COQ9: variants seen among roughly 807,000 people sequenced by gnomAD.
COQ9 encodes coenzyme Q9, also known as ubiquinone biosynthesis protein COQ9, mitochondrial.
In COQ9, 35 loss-of-function variants were observed where a neutral mutation model predicts 42.4. That is an observed-to-expected ratio of 0.83 (90% CI 0.63 to 1.10). The LOEUF (loss-of-function observed/expected upper bound fraction) is 1.10. COQ9 is among the 50% of genes least tolerant of loss of function. COQ9 has a pLI of 0.00. For synonymous variants in COQ9, 155 were observed against 155.1 expected (o/e 1.00, Z 0.00); for missense variants, 406 against 414.6 (o/e 0.98, Z 0.18).
Position 57,447,563 on chromosome 16 carries a change from C to T in COQ9, c.58C>T (p.Leu20=). Residue 20 remains leucine (L), a synonymous_variant, in exon 1 of 9, where the codon CTG becomes TTG. Coordinates refer to ENST00000262507, the MANE Select transcript of COQ9 (RefSeq NM_020312.4). The part of the protein sequence containing the change: ...LGRAGWRLLQ[L]RCLPVARCRQ... The stretch of plus-strand genomic sequence containing the variant: ...CCGGGCGGGCTGGAGGCTCCTGCAG[C>T]TGCGATGCCTGCCCGGTGAGGGGGC... 1 of 1,284,766 alleles carries T rather than the reference C, an allele frequency of 7.8e-7. No individual in the cohort carries two copies. The highest frequency in any genetic ancestry group is 9.9e-7 in the Non-Finnish European group (1 of 1,011,530). The allele number at this position is 1,284,766 out of a possible 1,614,324, so 79.6% of individuals were successfully genotyped here.
At chr16:57,449,955 G>A (rs223862) in intron 1 of COQ9, among the ~76,000 whole-genome samples, 4,263 of 152,226 alleles carry the variant, frequency 0.028, 84 homozygotes, top group Middle Eastern at 0.071. Flanking sequence ...AACAGTGAAC[G>A]TAGAAGTCTT....
chr16:57,450,784 A>T (rs1347408264), intron 1 of COQ9: 1 of 549,954 alleles, frequency 1.8e-6, no homozygotes, highest in Non-Finnish European at 3.3e-6. Context: ...ATTGTTTGCC[A>T]GTTACCCAGG....
In COQ9 at chr16:57,460,620, G is replaced by T. The variant is rs778212075; in HGVS notation, c.953G>T (p.Arg318Leu). ...LKNLTGLNQR[R>L] ...AACTTGACAGGTCTAAACCAGCGTC[G>T]GTGAGAGGAAGGGGTATAAGCTACA... The change falls in exon 9 of 9, where the codon CGG becomes CTG. Residue 318 changes from arginine to leucine, a missense_variant. Transcript: ENST00000262507. 6.2e-7 allele frequency: 1 copy of T among 1,613,804 alleles called. No homozygotes were observed. Among genetic ancestry groups the T allele is most frequent in the East Asian group, 2.2e-5 (1 of 44,878 alleles).
rs1165362266 is a variant in COQ9 at position 57,460,088 on chromosome 16, T to G, written c.905T>G (p.Met302Arg). 2.2e-5 allele frequency: 35 copies of G among 1,614,070 alleles called. No homozygotes were observed. Among genetic ancestry groups the G allele is most frequent in the Non-Finnish European group, 2.9e-5 (34 of 1,180,042 alleles). The change falls in exon 8 of 9, where the codon ATG becomes AGG. Residue 302 changes from methionine to arginine, a missense_variant. Transcript: ENST00000262507. ...GGAGAGGCACTGGTGCAAGGACTCA[T>G]GGGTGCAGCAGTGACGGTGAGTACT... is the stretch of plus-strand genomic sequence containing the variant. ...STGEALVQGL[M>R]GAAVTLKNLT...
intron 1 of COQ9, among the ~76,000 whole-genome samples, chr16:57,448,783 TCCA>T (rs1192226453): frequency 8.6e-5 from 13 of 151,846 alleles, no homozygotes; most frequent in African/African-American, 3.1e-4. Flanking sequence ...ACCCCGCAAA[TCCA>T]CCAAGAGAAA....
chr16:57,459,845 C>T (rs1392642866), intron 7 of COQ9, 125 bp downstream of exon 7: 1 of 1,192,766 alleles, frequency 8.4e-7, no homozygotes, highest in Non-Finnish European at 1.2e-6. Context: ...AAGGGCCTGG[C>T]TGGTTCTTCC....
intron 3 of COQ9, 182 bp from the exon 4 acceptor site, chr16:57,456,322 C>T: frequency 1.5e-6 from 1 of 664,072 alleles, no homozygotes; most frequent in East Asian, 2.8e-5. Flanking sequence ...CACTCTTGCA[C>T]ACACACCAAG....
chr16:57,460,850 TGA>T lies in COQ9; in HGVS notation c.*227_*228del. The T allele has an allele frequency of 1.8e-6, 1 of 558,414 alleles. No individual in the cohort carries two copies. The highest frequency in any genetic ancestry group is 3.3e-6 in the Non-Finnish European group (1 of 307,448). 34.6% of individuals were successfully genotyped at this position (558,414 alleles called of 1,614,324 possible). On this transcript the variant is annotated 3_prime_UTR_variant, in exon 9 of 9. Coordinates refer to ENST00000262507, the MANE Select transcript of COQ9 (RefSeq NM_020312.4). Reference sequence around the variant, plus strand: ...GTTCCTAATACCAGACCAAGCCTCCTGATGCCTTTCTGCACTGCAACTGTGTG... The same window carrying T: ...GTTCCTAATACCAGACCAAGCCTCCTTGCCTTTCTGCACTGCAACTGTGTG...
At chr16:57,454,538 G>T (rs8061428) in intron 3 of COQ9, among the ~76,000 whole-genome samples, 2,170 of 152,214 alleles carry the variant, frequency 0.014, 57 homozygotes, top group African/African-American at 0.049. Flanking sequence ...CTTGCCTGTG[G>T]TCCCAGCTAC....
At chr16:57,451,008 G>T in intron 1 of COQ9, 32 bp from the exon 2 acceptor site, 1 of 1,612,260 alleles carries the variant, frequency 6.2e-7, no homozygotes, top group East Asian at 2.2e-5. Context: ...CTTCTCTGTT[G>T]AATGTCCCTG....
intron 1 of COQ9, among the ~76,000 whole-genome samples, chr16:57,450,412 CAAAAA>C (rs59815351): frequency 3.0e-4 from 28 of 92,460 alleles, no homozygotes; most frequent in African/African-American, 6.9e-4. Context: ...GAGACTCTGA[CAAAAA>C]AAAAAAAAAA....
At chr16:57,459,842 T>C in intron 7 of COQ9, 122 bp downstream of exon 7, 1 of 1,227,596 alleles carries the variant, frequency 8.1e-7, no homozygotes, top group Non-Finnish European at 1.2e-6. Context: ...CCCAAGGGCC[T>C]GGCTGGTTCT....
At chr16:57,450,853 T>G (rs1466148661) in intron 1 of COQ9, 187 bp from the exon 2 acceptor site, 1 of 685,826 alleles carries the variant, frequency 1.5e-6, no homozygotes, top group Non-Finnish European at 2.6e-6. Flanking sequence ...GGCTTACCAC[T>G]TTTGCTACCA....
intron 1 of COQ9, among the ~76,000 whole-genome samples, chr16:57,450,364 G>A (rs1044819607): frequency 2.6e-4 from 37 of 142,348 alleles, no homozygotes; most frequent in African/African-American, 8.4e-4. Flanking sequence ...GCAGTGAGCC[G>A]AGATAATCTC....
chr16:57,453,244 T>A lies in COQ9; in HGVS notation c.378+308T>A, dbSNP rs1476661498. The A allele has an allele frequency of 6.6e-6, 3 of 452,386 alleles. No individual in the cohort carries two copies. In the Admixed American group the frequency reaches 1.1e-4, roughly 16 times the overall value. 28.0% of individuals were successfully genotyped at this position (452,386 alleles called of 1,614,324 possible). Reference sequence around the variant, plus strand: ...CATTGGTTGTAAGAAGCATCATTTTTAAATGCATCAGTAAAAAAGAAAACA... The same window carrying A: ...CATTGGTTGTAAGAAGCATCATTTTAAAATGCATCAGTAAAAAAGAAAACA... On this transcript the variant is annotated intron_variant, in intron 3 of 8. Coordinates refer to ENST00000262507, the MANE Select transcript of COQ9 (RefSeq NM_020312.4).
rs537773578 is a variant in COQ9, at chr16:57,458,892, T to C, written c.711+542T>C. On this transcript the variant is annotated intron_variant, in intron 6 of 8. Coordinates refer to ENST00000262507, the MANE Select transcript of COQ9 (RefSeq NM_020312.4). The stretch of plus-strand genomic sequence containing the variant: ...TCATAAAAGAAAATGTGATGATACT[T>C]TGTGGAATCCTGGATGAGGAGGCAC... Among the ~76,000 whole-genome samples, 14 of 152,364 alleles carry C rather than the reference T, an allele frequency of 9.2e-5. No individual in the cohort carries two copies. In the East Asian group the frequency reaches 2.7e-3, roughly 29 times the overall value.
At chr16:57,457,124 A>C in intron 5 of COQ9, 109 bp downstream of exon 5, 1 of 875,276 alleles carries the variant, frequency 1.1e-6, no homozygotes, top group Non-Finnish European at 1.9e-6. Context: ...TAGCTTCTCA[A>C]TCTCTATAAA....
intron 1 of COQ9, chr16:57,447,844 A>G: frequency 2.8e-6 from 1 of 357,724 alleles, no homozygotes; most frequent in Admixed American, 4.7e-5. Context: ...CGGGGTACGA[A>G]AGTCACGCAG....
At chr16:57,456,902 G>T (rs763322653) in intron 4 of COQ9, 29 bp from the exon 5 acceptor site, 30 of 1,592,650 alleles carry the variant, frequency 1.9e-5, no homozygotes, top group Admixed American at 1.3e-4. Flanking sequence ...TTCACTCAGA[G>T]ACACACTGTT....
Sources: allele counts gnomAD v4.1 joint callset (sites outside exome capture counted in the v4.1 genomes callset), GRCh38; gene constraint gnomAD v4.1.1; transcripts MANE v1.5; gene names NCBI Gene and HGNC (gene_info 2026-07-23, HGNC 2026-07-21).